PUDP: variants seen among roughly 807,000 people sequenced by gnomAD.
The protein encoded by PUDP is pseudouridine-5'-phosphatase.
A neutral mutation model predicts 9.4 loss-of-function variants in PUDP; 8 were observed. The ratio of observed to expected loss-of-function variants is 0.85; its 90% CI spans 0.50 to 1.53. The LOEUF is 1.53. PUDP is among the 40% of genes most tolerant of loss of function. The pLI, the probability that PUDP is intolerant of heterozygous loss-of-function variation, is 0.00. For synonymous variants in PUDP, 99 were observed against 80.7 expected (o/e 1.23, Z -1.22); for missense variants, 188 against 189.7 (o/e 0.99, Z 0.05).
intron 1 of PUDP, among the ~76,000 whole-genome samples, chrX:6,714,934 T>C (rs952717741): frequency 3.6e-4 from 40 of 110,577 alleles, no homozygotes; most frequent in Middle Eastern, 4.7e-3. Flanking sequence ...GATATGTATA[T>C]ATATTCTGCA....
chrX:6,751,318 A>G (rs911560062), intron 3 of PUDP, among the ~76,000 whole-genome samples: 3 of 111,800 alleles, frequency 2.7e-5, no homozygotes, highest in East Asian at 2.8e-4. Flanking sequence ...GGTGCCCTTC[A>G]TCATTGCTAT....
At chrX:6,717,377 T>C (rs1315345657) in intron 1 of PUDP, among the ~76,000 whole-genome samples, 3 of 111,471 alleles carry the variant, frequency 2.7e-5, no homozygotes, top group African/African-American at 9.8e-5. Flanking sequence ...GCATCAAAGC[T>C]TGCTGCTCTG....
intron 3 of PUDP, among the ~76,000 whole-genome samples, chrX:6,840,181 T>C (rs1226221234): frequency 8.9e-6 from 1 of 111,785 alleles, no homozygotes; most frequent in East Asian, 2.8e-4. Context: ...TTTTCCCCTT[T>C]TGCTTTGCTC....
At chrX:6,809,403 G>A (rs1388364326) in intron 3 of PUDP, among the ~76,000 whole-genome samples, 1 of 109,315 alleles carries the variant, frequency 9.1e-6, no homozygotes, top group African/African-American at 3.3e-5. Flanking sequence ...GCTCAAGGGA[G>A]CATAGGAGTT....
intron 3 of PUDP, among the ~76,000 whole-genome samples, chrX:6,844,647 G>A (rs1040590296): frequency 8.9e-6 from 1 of 112,122 alleles, no homozygotes; most frequent in Non-Finnish European, 1.9e-5. Context: ...TATAGGTATA[G>A]ATATAAACAC....
At chrX:6,969,236 C>G (rs1215657496) in intron 3 of PUDP, among the ~76,000 whole-genome samples, 1 of 112,293 alleles carries the variant, frequency 8.9e-6, no homozygotes, top group African/African-American at 3.2e-5. Context: ...CTAAAAACAT[C>G]TATCTGCTCT....
chrX:6,900,438 C>A (rs1328393404), intron 3 of PUDP, among the ~76,000 whole-genome samples: 1 of 107,413 alleles, frequency 9.3e-6, no homozygotes, highest in African/African-American at 3.4e-5. Context: ...GATGTGTCTC[C>A]AAATGGCAAT....
At chrX:7,118,714 C>A (rs1185937755) in intron 1 of PUDP, among the ~76,000 whole-genome samples, 2 of 112,105 alleles carry the variant, frequency 1.8e-5, no homozygotes, top group Non-Finnish European at 3.8e-5. Context: ...TAAGTTGGGA[C>A]CATCCTGTGT....
At chrX:6,835,479 T>G (rs4914922) in intron 3 of PUDP, among the ~76,000 whole-genome samples, 22,099 of 110,942 alleles carry the variant, frequency 0.2, 1,774 homozygotes, top group East Asian at 0.46. Context: ...ACAACAGAAA[T>G]CTAAAACAGT....
At chrX:7,069,875 G>A (rs1930676283) in intron 3 of PUDP, among the ~76,000 whole-genome samples, 1 of 111,482 alleles carries the variant, frequency 9.0e-6, no homozygotes, top group African/African-American at 3.3e-5. Context: ...GTCTCCTAAC[G>A]GCCCACTTAG....
intron 3 of PUDP, among the ~76,000 whole-genome samples, chrX:7,073,015 A>G (rs1183940972): frequency 4.5e-5 from 5 of 110,255 alleles, no homozygotes; most frequent in African/African-American, 1.7e-4. Context: ...GTGTGCTCAC[A>G]CTCGCAAGTC....
intron 1 of PUDP, among the ~76,000 whole-genome samples, chrX:7,001,395 A>G (rs1281483417): frequency 9.0e-6 from 1 of 111,720 alleles, no homozygotes; most frequent in Admixed American, 9.6e-5. Context: ...ATTTAATTTC[A>G]GTCAAATGCC....
intron 2 of PUDP, among the ~76,000 whole-genome samples, chrX:7,099,872 G>T (rs886088704): frequency 9.0e-6 from 1 of 111,074 alleles, no homozygotes; most frequent in Admixed American, 9.5e-5. Flanking sequence ...TCAGGCTGAT[G>T]CCCTGGTGAT....
At chrX:6,961,088 C>T (rs1288772417) in intron 3 of PUDP, among the ~76,000 whole-genome samples, 2 of 111,878 alleles carry the variant, frequency 1.8e-5, no homozygotes, top group South Asian at 7.5e-4. Flanking sequence ...TGGCAAACTC[C>T]TATTCATCCT....
At chrX:6,735,647 A>AC (rs1924862692) in intron 3 of PUDP, among the ~76,000 whole-genome samples, 2 of 111,644 alleles carry the variant, frequency 1.8e-5, no homozygotes, top group South Asian at 7.6e-4. Flanking sequence ...TACTTTTGCA[A>AC]CCAACCTTCA....
At chrX:7,142,544 A>G (rs183089651) in intron 1 of PUDP, among the ~76,000 whole-genome samples, 47 of 111,383 alleles carry the variant, frequency 4.2e-4, no homozygotes, top group African/African-American at 1.4e-3. Context: ...TCTGGTGAAG[A>G]TGTTGTTGAA....
At chrX:7,057,926 C>T in intron 3 of PUDP, 1 of 527,963 alleles carries the variant, frequency 1.9e-6, no homozygotes, top group Admixed American at 3.1e-5. Context: ...TTGTGATGCT[C>T]TCGTGTTCCT....
intron 3 of PUDP, among the ~76,000 whole-genome samples, chrX:6,937,287 T>C (rs1928320822): frequency 1.0e-5 from 1 of 97,916 alleles, no homozygotes; most frequent in African/African-American, 3.7e-5. Flanking sequence ...AACAGAGATA[T>C]AGATCAATGG....
At chrX:6,884,808 T>C (rs1461614279) in intron 3 of PUDP, among the ~76,000 whole-genome samples, 3 of 112,459 alleles carry the variant, frequency 2.7e-5, no homozygotes, top group Non-Finnish European at 5.6e-5. Flanking sequence ...ATATCCAATA[T>C]TGGTTTCCGA....
Sources: allele counts gnomAD v4.1 joint callset (sites outside exome capture counted in the v4.1 genomes callset), GRCh38; gene constraint gnomAD v4.1.1; transcripts MANE v1.5; gene names NCBI Gene and HGNC (gene_info 2026-07-23, HGNC 2026-07-21).